The following SETBP1 variants were observed in gnomAD, a reference collection of about 807,000 sequenced individuals.
The protein encoded by SETBP1 is SET-binding protein.
Under a neutral mutation model 101.0 loss-of-function variants are expected in SETBP1, and 9 were observed. That is an observed-to-expected ratio of 0.09 (90% CI 0.05 to 0.16). SETBP1 has a LOEUF of 0.16. Among genes scored for constraint, SETBP1 ranks in the 10% least tolerant of loss-of-function variants. The pLI, the probability that SETBP1 is intolerant of heterozygous loss-of-function variation, is 1.00. For missense variants in SETBP1, 1,858 were observed against 2,033.8 expected (o/e 0.91, Z 1.66); for synonymous variants, 818 against 788.5 (o/e 1.04, Z -0.63).
chr18:44,854,448 G>A (rs1286230465), intron 2 of SETBP1, among the ~76,000 whole-genome samples: 1 of 152,144 alleles, frequency 6.6e-6, no homozygotes, highest in Non-Finnish European at 1.5e-5. Context: ...CTCAATGTAT[G>A]TAGTGCTGCA....
chr18:44,794,663 C>T (rs926931427), intron 2 of SETBP1, among the ~76,000 whole-genome samples: 2 of 152,140 alleles, frequency 1.3e-5, no homozygotes, highest in African/African-American at 4.8e-5. Context: ...CGTTCTTACC[C>T]AGTGCTGTCC....
intron 2 of SETBP1, among the ~76,000 whole-genome samples, chr18:44,860,841 G>C (rs1415913748): frequency 6.6e-6 from 1 of 152,082 alleles, no homozygotes; most frequent in Non-Finnish European, 1.5e-5. Flanking sequence ...TTAAAATGAG[G>C]TCTGGTCATG....
chr18:44,843,070 G>A (rs2072653644), intron 2 of SETBP1, among the ~76,000 whole-genome samples: 1 of 152,228 alleles, frequency 6.6e-6, no homozygotes, highest in Admixed American at 6.5e-5. Context: ...ATGCCATGCA[G>A]GCCCTAGTAA....
chr18:45,021,802 T>A (rs1219586848), intron 4 of SETBP1, among the ~76,000 whole-genome samples: 1 of 152,192 alleles, frequency 6.6e-6, no homozygotes, highest in Non-Finnish European at 1.5e-5. Context: ...AAGATTTGAT[T>A]TGCAAAAATA....
intron 4 of SETBP1, among the ~76,000 whole-genome samples, chr18:44,998,525 C>T (rs930339590): frequency 3.9e-5 from 6 of 152,246 alleles, no homozygotes; most frequent in African/African-American, 1.4e-4. Flanking sequence ...GACATATTGG[C>T]TGTATTCACA....
chr18:44,909,834 T>C (rs2070262962), intron 3 of SETBP1, among the ~76,000 whole-genome samples: 1 of 152,220 alleles, frequency 6.6e-6, no homozygotes, highest in Admixed American at 6.5e-5. Context: ...ATGTCAACCC[T>C]CTTCTGTTTC....
At chr18:44,911,481 G>A (rs2070307521) in intron 3 of SETBP1, among the ~76,000 whole-genome samples, 1 of 152,200 alleles carries the variant, frequency 6.6e-6, no homozygotes, top group Non-Finnish European at 1.5e-5. Context: ...TCACTCAACA[G>A]CGTTCACATT....
intron 3 of SETBP1, among the ~76,000 whole-genome samples, chr18:44,919,381 C>G (rs191447200): frequency 1.2e-3 from 179 of 148,888 alleles, no homozygotes; most frequent in African/African-American, 4.3e-3. Flanking sequence ...GAGTCTCACT[C>G]TGTCACCAGG....
At chr18:44,982,331 T>C (rs1386633998) in intron 4 of SETBP1, among the ~76,000 whole-genome samples, 2 of 152,232 alleles carry the variant, frequency 1.3e-5, no homozygotes, top group Non-Finnish European at 2.9e-5. Flanking sequence ...TCCACACACC[T>C]TGGCTTCCTG....
At position 44,930,908 on chromosome 18, in the gene SETBP1, T is replaced by G. The variant is rs188732624; in HGVS notation, c.541-18973T>G. Among the ~76,000 whole-genome samples, 114 of 152,312 alleles carry G rather than the reference T, an allele frequency of 7.5e-4. 1 individual carries two copies. In the East Asian group the frequency reaches 0.018, roughly 24 times the overall value. On this transcript the variant is annotated intron_variant, in intron 3 of 5. Coordinates refer to ENST00000649279, the MANE Select transcript of SETBP1 (RefSeq NM_015559.3). ...AAACTGCTCCTGGATTCATTGATTT[T>G]TTTGAAGAGTTTTTTGTGTCTCTAT...
intron 2 of SETBP1, among the ~76,000 whole-genome samples, chr18:44,789,919 CG>C (rs2071335901): frequency 6.6e-6 from 1 of 152,148 alleles, no homozygotes; most frequent in Non-Finnish European, 1.5e-5. Flanking sequence ...TTGCTGGCCC[CG>C]GGAGAGTCAG....
At chr18:44,930,235 T>C (rs562488438) in intron 3 of SETBP1, among the ~76,000 whole-genome samples, 1 of 152,208 alleles carries the variant, frequency 6.6e-6, no homozygotes. Context: ...TGCTGGATTA[T>C]GTTTATGGAT....
chr18:44,838,936 C>T (rs1357541509), intron 2 of SETBP1, among the ~76,000 whole-genome samples: 1 of 152,054 alleles, frequency 6.6e-6, no homozygotes, highest in Non-Finnish European at 1.5e-5. Context: ...TGAACTGATC[C>T]CATTTTTAAG....
chr18:44,943,545 G>C (rs1195439895), intron 3 of SETBP1, among the ~76,000 whole-genome samples: 1 of 152,218 alleles, frequency 6.6e-6, no homozygotes, highest in Non-Finnish European at 1.5e-5. Flanking sequence ...AAGTACTACT[G>C]TTCAGGTTCC....
intron 1 of SETBP1, among the ~76,000 whole-genome samples, chr18:44,685,208 A>G (rs989076223): frequency 1.3e-5 from 2 of 152,230 alleles, no homozygotes; most frequent in Admixed American, 1.3e-4. Context: ...GAGGAGGAAT[A>G]GGGGATGAAT....
chr18:44,716,954 T>G (rs1270131585), intron 2 of SETBP1, among the ~76,000 whole-genome samples: 1 of 152,226 alleles, frequency 6.6e-6, no homozygotes, highest in Non-Finnish European at 1.5e-5. Flanking sequence ...AGCTGCCATT[T>G]TGCTACTTAG....
rs142074370 is a variant in SETBP1, at chr18:44,806,595, G to A, written c.487-62635G>A. 1.6e-3 allele frequency among the ~76,000 whole-genome samples: 161 copies of A among 98,378 alleles called. 6 individuals are homozygous for A. The East Asian group carries it at 0.048, about 29-fold the overall frequency. 64.5% of individuals were successfully genotyped at this position (98,378 alleles called of 152,430 possible). A position where few individuals can be genotyped will look rare whatever the true frequency, so the allele number is the denominator to read the frequency against. On this transcript the variant is annotated intron_variant, in intron 2 of 5. Transcript: ENST00000649279. ...TTTTCTGACTGAACTTTGTTTTTCCGTAGTAGACTTTGGCTCATAATGAGC... is the reference window on the plus strand; with the variant it reads ...TTTTCTGACTGAACTTTGTTTTTCCATAGTAGACTTTGGCTCATAATGAGC...
At chr18:44,945,358 T>C (rs146594201) in intron 3 of SETBP1, among the ~76,000 whole-genome samples, 3 of 152,190 alleles carry the variant, frequency 2.0e-5, no homozygotes, top group Non-Finnish European at 4.4e-5. Context: ...GGGGAGAGAA[T>C]AGCTATCTAC....
chr18:44,714,009 G>A (rs57185495), intron 2 of SETBP1, among the ~76,000 whole-genome samples: 2 of 152,230 alleles, frequency 1.3e-5, no homozygotes, highest in African/African-American at 2.4e-5. Context: ...TGCCTTCTCC[G>A]AACCTGGTTT....
Sources: gnomAD v4.1 joint callset for allele counts (sites outside exome capture counted in the v4.1 genomes callset) on GRCh38, gnomAD v4.1.1 for gene constraint, MANE v1.5 for transcripts, NCBI Gene and HGNC (gene_info 2026-07-23, HGNC 2026-07-21) for gene names.